Variants in LINGO2 observed in about 807,000 individuals in gnomAD.
The protein encoded by LINGO2 is leucine-rich repeat and immunoglobulin-like domain-containing nogo receptor-interacting protein 2.
LINGO2 carries 14 observed loss-of-function variants against 30.6 expected under a neutral mutation model. The ratio of observed to expected loss-of-function variants is 0.46; its 90% CI spans 0.30 to 0.72. The LOEUF (loss-of-function observed/expected upper bound fraction) is 0.72. LINGO2 is among the 30% of genes least tolerant of loss of function. The pLI is 0.07. For missense variants in LINGO2, 729 were observed against 751.7 expected (o/e 0.97, Z 0.35); for synonymous variants, 317 against 288.5 (o/e 1.10, Z -1.00).
the LINGO2 span, among the ~76,000 whole-genome samples, chr9:29,129,901 A>G: frequency 9.2e-5 from 14 of 152,278 alleles, no homozygotes; most frequent in Middle Eastern, 3.4e-3. Context: ...GGATGTTTAG[A>G]ACAAGTCAGA....
chr9:28,393,828 T>C (rs1821934310), intron 2 of LINGO2, among the ~76,000 whole-genome samples: 1 of 152,178 alleles, frequency 6.6e-6, no homozygotes, highest in Non-Finnish European at 1.5e-5. Flanking sequence ...CATTCTCCTC[T>C]CCCAAGCAAC....
chr9:29,144,857 CTG>C, the LINGO2 span, among the ~76,000 whole-genome samples: 1 of 152,098 alleles, frequency 6.6e-6, no homozygotes, highest in Non-Finnish European at 1.5e-5. Context: ...CAAAAAACAT[CTG>C]TAAGTATCTA....
chr9:28,778,934 C>T, the LINGO2 span, among the ~76,000 whole-genome samples: 1 of 152,110 alleles, frequency 6.6e-6, no homozygotes, highest in African/African-American at 2.4e-5. Context: ...TTATCTATAT[C>T]TGTACATGGA....
chr9:28,754,005 TACACACACACAA>T, the LINGO2 span, among the ~76,000 whole-genome samples: 3 of 109,740 alleles, frequency 2.7e-5, no homozygotes, highest in African/African-American at 7.2e-5. Flanking sequence ...TAAATGAGAA[TACACACACACAA>T]ACACACACAC....
chr9:28,088,473 G>A (rs1485489162), intron 4 of LINGO2, among the ~76,000 whole-genome samples: 1 of 152,000 alleles, frequency 6.6e-6, no homozygotes, highest in African/African-American at 2.4e-5. Flanking sequence ...CATTCCATCT[G>A]ATTCTGGTTT....
the LINGO2 span, among the ~76,000 whole-genome samples, chr9:28,993,316 GA>G: frequency 6.6e-6 from 1 of 152,062 alleles, no homozygotes; most frequent in Non-Finnish European, 1.5e-5. Flanking sequence ...ACTAAACCAG[GA>G]AAAAGTTGAA....
At chr9:28,024,947 T>C (rs1823306361) in intron 4 of LINGO2, among the ~76,000 whole-genome samples, 2 of 152,140 alleles carry the variant, frequency 1.3e-5, no homozygotes, top group South Asian at 4.1e-4. Context: ...ACTGCACCAG[T>C]AGCAGGCAGC....
chr9:28,131,324 C>A (rs1445129107), intron 4 of LINGO2, among the ~76,000 whole-genome samples: 1 of 152,096 alleles, frequency 6.6e-6, no homozygotes, highest in Non-Finnish European at 1.5e-5. Flanking sequence ...GTCTGTTAAT[C>A]AAATGAACTC....
intron 3 of LINGO2, among the ~76,000 whole-genome samples, chr9:28,363,635 A>T (rs1208166765): frequency 6.6e-6 from 1 of 152,170 alleles, no homozygotes; most frequent in African/African-American, 2.4e-5. Flanking sequence ...CCCACCAATC[A>T]GCGGAGTCAC....
intron 4 of LINGO2, among the ~76,000 whole-genome samples, chr9:28,105,239 T>C (rs983302923): frequency 1.3e-5 from 2 of 152,142 alleles, no homozygotes; most frequent in Non-Finnish European, 1.5e-5. Context: ...TGATGAGAAG[T>C]CACGTTATTA....
At chr9:29,008,597 T>C in the LINGO2 span, among the ~76,000 whole-genome samples, 1 of 152,178 alleles carries the variant, frequency 6.6e-6, no homozygotes, top group Admixed American at 6.6e-5. Context: ...TGTTGTTTCC[T>C]GACTTTTTAA....
chr9:27,948,719 G>C (rs1464711626), exon 6 of LINGO2: 1 of 1,055,354 alleles, frequency 9.5e-7, no homozygotes, highest in East Asian at 2.4e-5. Context: ...AAGTCCTCCT[G>C]CTTCCATAGA....
the LINGO2 span, among the ~76,000 whole-genome samples, chr9:28,692,971 G>C: frequency 6.6e-5 from 10 of 151,962 alleles, no homozygotes; most frequent in Admixed American, 3.9e-4. Flanking sequence ...ATTATATTAA[G>C]GTATTTAATA....
Position 27,983,878 on chromosome 9 carries a change from C to T in LINGO2, c.-36+28477G>A, listed in dbSNP as rs185290154. Among the ~76,000 whole-genome samples the T allele has an allele frequency of 3.3e-3, 508 of 151,944 alleles. 2 individuals are homozygous for T. Among genetic ancestry groups the T allele is most frequent in the Middle Eastern group, 0.017 (5 of 294 alleles). On this transcript the variant is annotated intron_variant, in intron 5 of 5. Transcript: ENST00000379992. ...CCAGAGTTTTTTCTCTGCTTTCCTA[C>T]CAGAAATTTCTGGCAAGGTCTACAT...
chr9:29,161,133 G>A, the LINGO2 span, among the ~76,000 whole-genome samples: 1 of 152,360 alleles, frequency 6.6e-6, no homozygotes, highest in Non-Finnish European at 1.5e-5. Flanking sequence ...AGGCAAGGGA[G>A]AGACAGCTGT....
At chr9:28,293,348 T>C (rs575512724) in intron 4 of LINGO2, among the ~76,000 whole-genome samples, 4 of 152,266 alleles carry the variant, frequency 2.6e-5, no homozygotes, top group Admixed American at 1.3e-4. Context: ...TCCTCTCACC[T>C]TGACCTCCCA....
At chr9:28,762,417 A>C in the LINGO2 span, among the ~76,000 whole-genome samples, 1 of 152,006 alleles carries the variant, frequency 6.6e-6, no homozygotes, top group Non-Finnish European at 1.5e-5. Context: ...GTTTTTGTTT[A>C]TCTCTGAATC....
chr9:28,910,703 GC>G, the LINGO2 span, among the ~76,000 whole-genome samples: 3 of 151,918 alleles, frequency 2.0e-5, no homozygotes, highest in Non-Finnish European at 4.4e-5. Context: ...GTTTCTTGAG[GC>G]CTCCCCAGAA....
the LINGO2 span, among the ~76,000 whole-genome samples, chr9:29,025,284 C>T: frequency 6.6e-6 from 1 of 152,070 alleles, no homozygotes; most frequent in African/African-American, 2.4e-5. Context: ...CATGTTATAG[C>T]TTTTCTTTGC....
Sources: gnomAD v4.1 joint callset for allele counts (sites outside exome capture counted in the v4.1 genomes callset) on GRCh38, gnomAD v4.1.1 for gene constraint, MANE v1.5 for transcripts, NCBI Gene and HGNC (gene_info 2026-07-23, HGNC 2026-07-21) for gene names.